The following RFFL variants were observed in gnomAD, a reference collection of about 807,000 sequenced individuals.
The protein encoded by RFFL is ring finger and FYVE like domain containing E3 ubiquitin protein ligase.
RFFL carries 16 observed loss-of-function variants against 40.4 expected under a neutral mutation model. The observed-to-expected ratio is 0.40, with a 90% confidence interval of 0.27 to 0.60. The LOEUF (loss-of-function observed/expected upper bound fraction) is 0.60, where lower values mean the gene tolerates loss of function less well. RFFL is among the 20% of genes least tolerant of loss of function. RFFL has a pLI of 0.47. For synonymous variants in RFFL, 154 were observed against 167.9 expected (o/e 0.92, Z 0.64); for missense variants, 367 against 451.7 (o/e 0.81, Z 1.70).
intron 1 of RFFL, among the ~76,000 whole-genome samples, chr17:35,070,792 G>A (rs1317974667): frequency 6.6e-6 from 1 of 152,164 alleles, no homozygotes; most frequent in Non-Finnish European, 1.5e-5. Flanking sequence ...GATTCATTCA[G>A]AGAGCTAAAA....
chr17:35,037,828 T>G (rs1167258981), intron 1 of RFFL, among the ~76,000 whole-genome samples: 2 of 152,302 alleles, frequency 1.3e-5, no homozygotes, highest in Admixed American at 6.5e-5. Flanking sequence ...GCTTTCCATC[T>G]CTACAGGAAC....
intron 1 of RFFL, among the ~76,000 whole-genome samples, chr17:35,070,295 G>A (rs143498430): frequency 6.6e-4 from 100 of 152,166 alleles, no homozygotes; most frequent in African/African-American, 2.3e-3. Flanking sequence ...TCAGCCTCAC[G>A]AGTAGCTGAG....
chr17:35,066,447 T>A (rs922572452), upstream of RFFL, among the ~76,000 whole-genome samples: 3 of 152,220 alleles, frequency 2.0e-5, no homozygotes, highest in Non-Finnish European at 4.4e-5. Context: ...TCTGGGAGGA[T>A]GCACACAGCA....
intron 3 of RFFL, among the ~76,000 whole-genome samples, chr17:35,019,600 T>C (rs1436549212): frequency 1.3e-5 from 2 of 151,832 alleles, no homozygotes; most frequent in African/African-American, 4.8e-5. Context: ...CTCAAATGCC[T>C]GGGCTCAAAT....
At chr17:35,045,480 C>T (rs1017683229) in intron 1 of RFFL, among the ~76,000 whole-genome samples, 33 of 151,872 alleles carry the variant, frequency 2.2e-4, no homozygotes, top group African/African-American at 7.0e-4. Context: ...GTGATTTGCC[C>T]GCCTCAGCCT....
rs914065296 is a variant in RFFL at position 35,008,743 on chromosome 17, T to A, written c.*3225A>T. 6.6e-6 allele frequency: 1 copy of A among 152,170 alleles called. No individual in the cohort carries two copies. Among genetic ancestry groups the A allele is most frequent in the African/African-American group, 2.4e-5 (1 of 41,436 alleles). The allele number at this position is 152,170 out of a possible 1,614,324, so 9.4% of individuals were successfully genotyped here. ...GCCTCCCGGGTTCACACCATTCTCC[T>A]GCCTCAGCCTCCCGAGTAGCTGGGA... On this transcript the variant is annotated 3_prime_UTR_variant, in exon 7 of 7. Transcript: ENST00000394597.
chr17:35,053,465 T>A (rs2091242591), intron 1 of RFFL, among the ~76,000 whole-genome samples: 1 of 152,186 alleles, frequency 6.6e-6, no homozygotes, highest in South Asian at 2.1e-4. Flanking sequence ...CAACATCTTC[T>A]CTGCAGTGGA....
At chr17:35,045,140 A>G (rs928921978) in intron 1 of RFFL, among the ~76,000 whole-genome samples, 1 of 152,224 alleles carries the variant, frequency 6.6e-6, no homozygotes, top group African/African-American at 2.4e-5. Context: ...AACAACAGGC[A>G]AGGTCCTTGA....
rs1014746021 is a variant in RFFL, at chr17:35,008,638, G to GTTTTGTT, written c.*3323_*3329dup. 1.3e-5 allele frequency: 2 copies of GTTTTGTT among 150,526 alleles called. No homozygotes were observed. Among genetic ancestry groups the GTTTTGTT allele is most frequent in the African/African-American group, 2.5e-5 (1 of 40,698 alleles). 9.3% of individuals were successfully genotyped at this position (150,526 alleles called of 1,614,324 possible). A position where few individuals can be genotyped will look rare whatever the true frequency, so the allele number is the denominator to read the frequency against. On this transcript the variant is annotated 3_prime_UTR_variant, in exon 7 of 7. Transcript: ENST00000394597. ...GGGTTTTTTGTTTGTGTTTTTTTTT[G>GTTTTGTT]TTTTGTTTTTTGAGACAGAGTCTCG... is the stretch of plus-strand genomic sequence containing the variant.
At chr17:35,031,967 C>T (rs1324269686) in intron 1 of RFFL, among the ~76,000 whole-genome samples, 4 of 151,620 alleles carry the variant, frequency 2.6e-5, no homozygotes, top group Admixed American at 1.3e-4. Context: ...TGATGGTGGA[C>T]GCCTGTAGTC....
intron 1 of RFFL, among the ~76,000 whole-genome samples, chr17:35,080,525 G>A (rs1168594572): frequency 6.6e-6 from 1 of 152,168 alleles, no homozygotes; most frequent in Non-Finnish European, 1.5e-5. Flanking sequence ...AGAGGGTGAG[G>A]TGGGAGAGGA....
intron 2 of RFFL, 21 bp downstream of exon 2, chr17:35,026,353 G>C: frequency 2.5e-6 from 4 of 1,611,396 alleles, no homozygotes; most frequent in Non-Finnish European, 3.4e-6. Context: ...TGGCAGAGCA[G>C]GCCAAGAAGT....
At position 35,007,051 on chromosome 17, in the gene RFFL, A is replaced by G. The variant is rs1311076468; in HGVS notation, c.*4917T>C. 6.6e-6 allele frequency: 1 copy of G among 152,290 alleles called. No individual in the cohort carries two copies. Among genetic ancestry groups the G allele is most frequent in the South Asian group, 2.1e-4 (1 of 4,836 alleles). 9.4% of individuals were successfully genotyped at this position (152,290 alleles called of 1,614,324 possible). On this transcript the variant is annotated 3_prime_UTR_variant, in exon 7 of 7. Coordinates refer to ENST00000394597, the MANE Select transcript of RFFL (RefSeq NM_001017368.2). ...TCCTCCTTTGAGTACTGACCTACAT[A>G]GATTTCCATTTCTCTCTTCAGCCTC...
chr17:35,013,813 T>C (rs1934849880), intron 6 of RFFL, among the ~76,000 whole-genome samples: 1 of 152,116 alleles, frequency 6.6e-6, no homozygotes, highest in Admixed American at 6.6e-5. Flanking sequence ...AAGCACCAAG[T>C]AGATCAGCCT....
intron 1 of RFFL, chr17:35,036,365 T>C (rs2091122646): frequency 1.3e-5 from 2 of 152,198 alleles, no homozygotes; most frequent in Non-Finnish European, 1.5e-5. Context: ...AGAAAATTAT[T>C]GGATCTTCAC....
intron 1 of RFFL, among the ~76,000 whole-genome samples, chr17:35,081,460 T>C (rs1052241209): frequency 2.6e-5 from 4 of 152,208 alleles, no homozygotes; most frequent in Admixed American, 2.0e-4. Context: ...CTCTAGTCTT[T>C]GCAAAAATTC....
chr17:35,033,530 A>AAAAT (rs923959490), intron 1 of RFFL, among the ~76,000 whole-genome samples: 15 of 149,936 alleles, frequency 1.0e-4, no homozygotes, highest in South Asian at 4.1e-4. Context: ...CTCTGTCTCA[A>AAAAT]AAATAAATAA....
chr17:35,012,728 C>T (rs567882186), intron 6 of RFFL, among the ~76,000 whole-genome samples: 2 of 152,298 alleles, frequency 1.3e-5, no homozygotes, highest in East Asian at 3.9e-4. Context: ...GGTGGAGAAA[C>T]TTGGCAGAGA....
At chr17:35,088,947 C>A (rs1158404300) in intron 1 of RFFL, 1 of 152,328 alleles carries the variant, frequency 6.6e-6, no homozygotes, top group East Asian at 1.9e-4. Context: ...CCAAGGGCTT[C>A]CCCCCACCCC....
Sources: gnomAD v4.1 joint callset for allele counts (sites outside exome capture counted in the v4.1 genomes callset) on GRCh38, gnomAD v4.1.1 for gene constraint, MANE v1.5 for transcripts, NCBI Gene and HGNC (gene_info 2026-07-23, HGNC 2026-07-21) for gene names.